GPAT4: variants seen among roughly 807,000 people sequenced by gnomAD.
The protein encoded by GPAT4 is glycerol-3-phosphate acyltransferase 4, also known as 1-AGP acyltransferase 6.
Under a neutral mutation model 58.0 loss-of-function variants are expected in GPAT4, and 17 were observed. The observed-to-expected ratio is 0.29, with a 90% CI of 0.20 to 0.44. The LOEUF is 0.44. Ranked by LOEUF, GPAT4 falls within the 20% of genes least tolerant of loss-of-function variation. GPAT4 has a pLI of 1.00. For synonymous variants in GPAT4, 204 were observed against 210.1 expected (o/e 0.97, Z 0.25); for missense variants, 377 against 574.5 (o/e 0.66, Z 3.51).
intron 4 of GPAT4, 148 bp from the exon 5 acceptor site, chr8:41,610,588 T>C (rs1803412430): frequency 6.5e-7 from 1 of 1,529,798 alleles, no homozygotes; most frequent in African/African-American, 1.4e-5. Context: ...TAGGCCTGCT[T>C]ACATTTCTAG....
At chr8:41,583,010 G>T (rs1802563767) in intron 1 of GPAT4, among the ~76,000 whole-genome samples, 1 of 151,986 alleles carries the variant, frequency 6.6e-6, no homozygotes, top group Non-Finnish European at 1.5e-5. Flanking sequence ...ATCACTTGAG[G>T]TCAGGAGTTT....
At chr8:41,596,328 A>G (rs1802931245) in intron 1 of GPAT4, among the ~76,000 whole-genome samples, 1 of 152,186 alleles carries the variant, frequency 6.6e-6, no homozygotes, top group African/African-American at 2.4e-5. Flanking sequence ...ACCAAACCAG[A>G]ATCAAAACCA....
chr8:41,587,974 C>T (rs994939364), intron 1 of GPAT4, among the ~76,000 whole-genome samples: 21 of 152,196 alleles, frequency 1.4e-4, no homozygotes, highest in Non-Finnish European at 2.9e-4. Flanking sequence ...ATTCGAATTT[C>T]TCCATTTTAC....
At chr8:41,598,024 A>C (rs192168895) in intron 1 of GPAT4, among the ~76,000 whole-genome samples, 144 of 152,312 alleles carry the variant, frequency 9.5e-4, no homozygotes, top group African/African-American at 3.3e-3. Flanking sequence ...AATGTGTCTT[A>C]TATACATGTA....
chr8:41,605,084 A>G (rs750047593), intron 2 of GPAT4, among the ~76,000 whole-genome samples: 37 of 152,210 alleles, frequency 2.4e-4, no homozygotes, highest in Non-Finnish European at 3.8e-4. Context: ...TTTTGGCTCT[A>G]CTTTTCCATA....
Position 41,605,046 on chromosome 8 carries a change from C to T in GPAT4, c.166-4370C>T, listed in dbSNP as rs143416809. 2.0e-4 allele frequency among the ~76,000 whole-genome samples: 31 copies of T among 152,152 alleles called. 1 individual carries two copies. In the South Asian group the frequency reaches 2.3e-3, roughly 11 times the overall value. On this transcript the variant is annotated intron_variant, in intron 2 of 12. Coordinates refer to ENST00000396987, the MANE Select transcript of GPAT4 (RefSeq NM_178819.4). Reference sequence around the variant, plus strand: ...AGCAGACAGGAATTAAGGGGGAAGACGAAAGGAAATAGCTCCAGGTTTTGT... The same window carrying T: ...AGCAGACAGGAATTAAGGGGGAAGATGAAAGGAAATAGCTCCAGGTTTTGT...
chr8:41,578,862 CAG>C (rs748873515), intron 1 of GPAT4, among the ~76,000 whole-genome samples: 2 of 152,196 alleles, frequency 1.3e-5, no homozygotes, highest in South Asian at 4.1e-4. Flanking sequence ...TTCCATGTCA[CAG>C]AGGGCTGAAG....
intron 4 of GPAT4, 168 bp downstream of exon 4, chr8:41,610,123 A>G: frequency 1.4e-6 from 2 of 1,433,792 alleles, no homozygotes; most frequent in Non-Finnish European, 1.8e-6. Context: ...TCTCCTTTAG[A>G]GGCCCTTGGA....
rs1332925821 is a variant in GPAT4, at chr8:41,623,712, C to T, written c.*2711C>T. On this transcript the variant is annotated 3_prime_UTR_variant, in exon 13 of 13. Coordinates refer to ENST00000396987, the MANE Select transcript of GPAT4 (RefSeq NM_178819.4). The stretch of plus-strand genomic sequence containing the variant: ...TGGAACTAACCCACTTGAGGGTGAC[C>T]TCAAGGGCTTTAGGCAGCCATGGGG... 6.6e-6 allele frequency: 1 copy of T among 152,250 alleles called. No homozygotes were observed. The highest frequency in any genetic ancestry group is 2.4e-5 in the African/African-American group (1 of 41,464). 9.4% of individuals were successfully genotyped at this position (152,250 alleles called of 1,614,324 possible). A position where few individuals can be genotyped will look rare whatever the true frequency, so the allele number is the denominator to read the frequency against.
At chr8:41,594,577 G>A (rs1468363878) in intron 1 of GPAT4, among the ~76,000 whole-genome samples, 5 of 128,244 alleles carry the variant, frequency 3.9e-5, no homozygotes, top group African/African-American at 6.2e-5. Flanking sequence ...ATGGAGTCTC[G>A]CTCTGTCGCT....
intron 1 of GPAT4, among the ~76,000 whole-genome samples, chr8:41,589,861 C>T (rs1160323652): frequency 6.6e-6 from 1 of 152,176 alleles, no homozygotes; most frequent in Non-Finnish European, 1.5e-5. Context: ...TTTCCCATGG[C>T]AGTGCTGTCC....
chr8:41,581,511 G>T (rs372423749), intron 1 of GPAT4, among the ~76,000 whole-genome samples: 2 of 152,114 alleles, frequency 1.3e-5, no homozygotes, highest in South Asian at 2.1e-4. Context: ...GAGTGCAGTG[G>T]CATGATCAAG....
At chr8:41,585,778 C>T (rs545132710) in intron 1 of GPAT4, among the ~76,000 whole-genome samples, 6 of 152,284 alleles carry the variant, frequency 3.9e-5, no homozygotes, top group South Asian at 4.1e-4. Context: ...TTACTGCTTC[C>T]CTGACATTCT....
chr8:41,600,031 C>CTTTT (rs1563273268), intron 2 of GPAT4, among the ~76,000 whole-genome samples: 1 of 75,444 alleles, frequency 1.3e-5, no homozygotes. Context: ...TTATCTTTTT[C>CTTTT]TTTTCTTTTT....
chr8:41,584,981 A>G (rs940644739), intron 1 of GPAT4: 1 of 152,186 alleles, frequency 6.6e-6, no homozygotes, highest in South Asian at 2.1e-4. Flanking sequence ...TATTTTATCC[A>G]GGATTGATGC....
Position 41,609,438 on chromosome 8 carries a change from G to A in GPAT4, c.188G>A (p.Arg63Gln), listed in dbSNP as rs377030711. ...CAGTGGGCTACCTTGAGAATGGAGC[G>A]AGGAGCCAAGGAGAAGAACCACCAG... ...IFAWATLRME[R>Q]GAKEKNHQLY... is the part of the protein sequence containing the mutation. Residue 63 changes from arginine to glutamine, a missense_variant, in exon 3 of 13, where the codon CGA (arginine) becomes CAA (glutamine). Transcript: ENST00000396987. 61 of 1,614,002 alleles carry A rather than the reference G, an allele frequency of 3.8e-5. No individual in the cohort carries two copies. The highest frequency in any genetic ancestry group is 1.6e-4 in the Middle Eastern group (1 of 6,084).
At chr8:41,609,356 T>G in intron 2 of GPAT4, 60 bp from the exon 3 acceptor site, 1 of 1,514,886 alleles carries the variant, frequency 6.6e-7, no homozygotes, top group Non-Finnish European at 9.2e-7. Flanking sequence ...GATGGAGGTG[T>G]TCACTGATTG....
Position 41,611,378 on chromosome 8 carries a change from C to T in GPAT4, c.612-525C>T, listed in dbSNP as rs369407880. ...GGAGGAGCCACAGACATGTAGAGTC[C>T]GAGACTCAGATGTTAACAGATTTTA... On this transcript the variant is annotated intron_variant, in intron 5 of 12. Transcript: ENST00000396987. 5.9e-5 allele frequency among the ~76,000 whole-genome samples: 9 copies of T among 152,210 alleles called. No homozygotes were observed. The South Asian group carries it at 6.2e-4, about 11-fold the overall frequency.
At position 41,622,838 on chromosome 8, in the gene GPAT4, C is replaced by T. The variant is rs1803794453; in HGVS notation, c.*1837C>T. On this transcript the variant is annotated 3_prime_UTR_variant, in exon 13 of 13. Transcript: ENST00000396987. ...AGTCAGTGTTATGACTAATAAGTCT[C>T]TTAGGAACTGTTTTACAAAATGCTT... 6.6e-6 allele frequency: 1 copy of T among 152,174 alleles called. No homozygotes were observed. The highest frequency in any genetic ancestry group is 2.1e-4 in the South Asian group (1 of 4,830). 9.4% of individuals were successfully genotyped at this position (152,174 alleles called of 1,614,324 possible).
Sources: gnomAD v4.1 joint callset for allele counts (sites outside exome capture counted in the v4.1 genomes callset) on GRCh38, gnomAD v4.1.1 for gene constraint, MANE v1.5 for transcripts, NCBI Gene and HGNC (gene_info 2026-07-23, HGNC 2026-07-21) for gene names.